Variants in CAMTA1 observed in about 807,000 individuals in gnomAD.
The protein encoded by CAMTA1 is calmodulin-binding transcription activator 1.
CAMTA1 carries 27 observed loss-of-function variants against 170.9 expected under a neutral mutation model. The ratio of observed to expected loss-of-function variants is 0.16; its 90% CI spans 0.12 to 0.22. CAMTA1 has a LOEUF of 0.22. Ranked by LOEUF, CAMTA1 falls within the 10% of genes least tolerant of loss-of-function variation. CAMTA1 has a pLI of 1.00. For missense variants in CAMTA1, 1,619 were observed against 2,217.2 expected, an observed-to-expected ratio of 0.73 and a Z score of 5.42; for synonymous variants, 833 against 891.5, an observed-to-expected ratio of 0.93 and a Z score of 1.17.
intron 5 of CAMTA1, among the ~76,000 whole-genome samples, chr1:7,346,858 G>C (rs1225283872): frequency 6.6e-6 from 1 of 152,180 alleles, no homozygotes; most frequent in Non-Finnish European, 1.5e-5. Context: ...CTTCCCCCTA[G>C]TTTCTTGGGT....
Position 7,697,851 on chromosome 1 carries a change from C to T in CAMTA1, c.2914+20118C>T, listed in dbSNP as rs74054226. Among the ~76,000 whole-genome samples, 1,372 of 152,210 alleles carry T rather than the reference C, an allele frequency of 9.0e-3. 13 individuals carry two copies. Among genetic ancestry groups the T allele is most frequent in the African/African-American group, 0.031 (1,302 of 41,494 alleles). Reference sequence around the variant, plus strand: ...AGCAAACACTGTTTCTCCCCACTATCCTCCACATCACTGTCAGGACCATTA... The same window carrying T: ...AGCAAACACTGTTTCTCCCCACTATTCTCCACATCACTGTCAGGACCATTA... On this transcript the variant is annotated intron_variant, in intron 11 of 22. Coordinates refer to ENST00000303635, the MANE Select transcript of CAMTA1 (RefSeq NM_015215.4).
At chr1:7,669,733 G>A (rs1440905762) in intron 9 of CAMTA1, among the ~76,000 whole-genome samples, 1 of 152,192 alleles carries the variant, frequency 6.6e-6, no homozygotes. Flanking sequence ...GGTGGATGGC[G>A]CCTCTGGGGT....
chr1:7,026,968 CTACTT>C (rs1444316796), intron 3 of CAMTA1, among the ~76,000 whole-genome samples: 1 of 152,028 alleles, frequency 6.6e-6, no homozygotes, highest in Non-Finnish European at 1.5e-5. Flanking sequence ...CTTTTTCTGG[CTACTT>C]TAATGTTCCT....
intron 3 of CAMTA1, among the ~76,000 whole-genome samples, chr1:6,935,460 C>T (rs185028416): frequency 2.0e-4 from 30 of 152,204 alleles, no homozygotes; most frequent in Admixed American, 1.8e-3. Context: ...CTGCTCCAGT[C>T]GCGGGGCTGC....
intron 6 of CAMTA1, among the ~76,000 whole-genome samples, chr1:7,621,905 C>A (rs1030794420): frequency 1.3e-5 from 2 of 152,222 alleles, no homozygotes; most frequent in Non-Finnish European, 2.9e-5. Flanking sequence ...TCCCTGGCGC[C>A]TCTAGAGAGA....
In CAMTA1 at chr1:7,509,970, C is replaced by T. The variant is rs182158332; in HGVS notation, c.510+42069C>T. ...CCCTGACTCTCAGTGACCACAACCTCTGTCACTCCCGAGTCATCCTGCAAA... is the reference window on the plus strand; with the variant it reads ...CCCTGACTCTCAGTGACCACAACCTTTGTCACTCCCGAGTCATCCTGCAAA... On this transcript the variant is annotated intron_variant, in intron 6 of 22. Coordinates refer to ENST00000303635, the MANE Select transcript of CAMTA1 (RefSeq NM_015215.4). Among the ~76,000 whole-genome samples the T allele has an allele frequency of 1.1e-4, 16 of 151,572 alleles. No homozygotes were observed. The East Asian group carries it at 3.1e-3, about 29-fold the overall frequency.
At chr1:6,888,717 C>A (rs1420705350) in intron 3 of CAMTA1, among the ~76,000 whole-genome samples, 2 of 152,214 alleles carry the variant, frequency 1.3e-5, no homozygotes, top group East Asian at 3.8e-4. Flanking sequence ...TTCCAGATAC[C>A]TCCACAGATG....
At chr1:7,045,599 G>T (rs112297969) in intron 3 of CAMTA1, among the ~76,000 whole-genome samples, 4 of 152,306 alleles carry the variant, frequency 2.6e-5, no homozygotes, top group South Asian at 2.1e-4. Flanking sequence ...TAGCAAGAAG[G>T]GTTTCTGGAA....
At chr1:7,675,969 T>C (rs923619111) in intron 10 of CAMTA1, among the ~76,000 whole-genome samples, 19 of 152,258 alleles carry the variant, frequency 1.2e-4, no homozygotes, top group African/African-American at 4.3e-4. Flanking sequence ...TGCCAGAAGA[T>C]GGTGGAAGAG....
intron 3 of CAMTA1, among the ~76,000 whole-genome samples, chr1:6,900,639 CAACA>C (rs1352481786): frequency 6.6e-6 from 1 of 152,020 alleles, no homozygotes; most frequent in African/African-American, 2.4e-5. Context: ...TATATATTAG[CAACA>C]AACAATTGGA....
intron 11 of CAMTA1, among the ~76,000 whole-genome samples, chr1:7,704,866 C>A (rs1032859283): frequency 3.4e-5 from 5 of 146,334 alleles, no homozygotes; most frequent in African/African-American, 1.2e-4. Flanking sequence ...GCAAGCCTGA[C>A]GAGCAGGAGC....
At chr1:7,110,107 C>T (rs1027882803) in intron 4 of CAMTA1, among the ~76,000 whole-genome samples, 8 of 152,158 alleles carry the variant, frequency 5.3e-5, no homozygotes, top group East Asian at 1.9e-4. Flanking sequence ...CTTCCTGGAT[C>T]GTGTTCCTGG....
At chr1:7,102,756 G>T (rs944129346) in intron 4 of CAMTA1, among the ~76,000 whole-genome samples, 3 of 152,092 alleles carry the variant, frequency 2.0e-5, no homozygotes, top group African/African-American at 7.2e-5. Context: ...CACCAGTGTT[G>T]GGCGATGCTG....
In CAMTA1 at chr1:7,113,755, C is replaced by A. The variant is rs1489594721; in HGVS notation, c.302+22384C>A. Among the ~76,000 whole-genome samples, 1 of 152,142 alleles carries A rather than the reference C, an allele frequency of 6.6e-6. No individual in the cohort carries two copies. The highest frequency in any genetic ancestry group is 1.9e-4 in the East Asian group (1 of 5,206). On this transcript the variant is annotated intron_variant, in intron 4 of 22. Coordinates refer to ENST00000303635, the MANE Select transcript of CAMTA1 (RefSeq NM_015215.4). This position sits in a 1 kb window ranked among gnomAD's most constrained non-coding sequence, Gnocchi z 4.5. ...TCTCACTTTAGCAATATATTTTGTG[C>A]TTCAAAAATGTAACAGATAGAAAGG... is the stretch of plus-strand genomic sequence containing the variant.
intron 5 of CAMTA1, among the ~76,000 whole-genome samples, chr1:7,399,178 G>A (rs2089686207): frequency 6.6e-6 from 1 of 152,180 alleles, no homozygotes; most frequent in Non-Finnish European, 1.5e-5. Context: ...TGTTCTCATG[G>A]TAATGAATGC....
At position 7,216,941 on chromosome 1, in the gene CAMTA1, A is replaced by G. The variant is rs777113805; in HGVS notation, c.303-32550A>G. ...GTCATAATGTTGTTTCTTAAATTAT[A>G]CTTATTCTACTTTGATATCAAGATT... On this transcript the variant is annotated intron_variant, in intron 4 of 22. Transcript: ENST00000303635. This position sits in a 1 kb window ranked among gnomAD's most constrained non-coding sequence, Gnocchi z 4.0. Among the ~76,000 whole-genome samples, 2 of 152,140 alleles carry G rather than the reference A, an allele frequency of 1.3e-5. No individual in the cohort carries two copies. The highest frequency in any genetic ancestry group is 2.9e-5 in the Non-Finnish European group (2 of 68,034).
chr1:7,151,135 C>T (rs977617086), intron 4 of CAMTA1, among the ~76,000 whole-genome samples: 1 of 152,240 alleles, frequency 6.6e-6, no homozygotes. Context: ...ACGGTGCTTG[C>T]TGTCAAATGC....
Position 7,474,873 on chromosome 1 carries a change from C to T in CAMTA1, c.510+6972C>T, listed in dbSNP as rs549500545. The stretch of plus-strand genomic sequence containing the variant: ...CAGAAGTGCAGCCTCTCCCCGCACC[C>T]CACTCCAGGACCATGCCCTGCAGCC... On this transcript the variant is annotated intron_variant, in intron 6 of 22. Coordinates refer to ENST00000303635, the MANE Select transcript of CAMTA1 (RefSeq NM_015215.4). Among the ~76,000 whole-genome samples, 7 of 152,352 alleles carry T rather than the reference C, an allele frequency of 4.6e-5. No individual in the cohort carries two copies. In the South Asian group the frequency reaches 1.4e-3, roughly 32 times the overall value.
rs1443034217 is a variant in CAMTA1 at position 7,455,057 on chromosome 1, C to A, written c.439-12773C>A. ...CTCGGAGGTTCCGATGCACTCAGGG[C>A]CCTGGGGGCATCCAGGGCCGGCCTG... On this transcript the variant is annotated intron_variant, in intron 5 of 22. Coordinates refer to ENST00000303635, the MANE Select transcript of CAMTA1 (RefSeq NM_015215.4). This position sits in a 1 kb window ranked among gnomAD's most constrained non-coding sequence, Gnocchi z 5.0. 6.6e-6 allele frequency among the ~76,000 whole-genome samples: 1 copy of A among 152,168 alleles called. No homozygotes were observed. The highest frequency in any genetic ancestry group is 1.9e-4 in the East Asian group (1 of 5,176).
Sources: gnomAD v4.1 joint callset for allele counts (sites outside exome capture counted in the v4.1 genomes callset) on GRCh38, gnomAD v4.1.1 for gene constraint, Gnocchi (gnomAD v3.1) non-coding constraint, MANE v1.5 for transcripts, NCBI Gene and HGNC (gene_info 2026-07-23, HGNC 2026-07-21) for gene names.